KANK1: variants seen among roughly 807,000 people sequenced by gnomAD.
The protein encoded by KANK1 is KN motif and ankyrin repeat domains 1, also known as KN motif and ankyrin repeat domain-containing protein 1.
KANK1 carries 109 observed loss-of-function variants against 106.2 expected under a neutral mutation model. The observed-to-expected ratio is 1.03, with a 90% confidence interval of 0.88 to 1.20. The LOEUF (loss-of-function observed/expected upper bound fraction) is 1.20. KANK1 is among the 50% of genes most tolerant of loss of function. The probability of loss-of-function intolerance (pLI) is 0.00; values close to 1 mark genes in which losing one functional copy is unlikely to be tolerated. For synonymous variants in KANK1, 873 were observed against 652.2 expected (o/e 1.34, Z -5.16); for missense variants, 2,399 against 1,710.7 (o/e 1.40, Z -7.10).
intron 1 of KANK1, among the ~76,000 whole-genome samples, chr9:606,569 T>C (rs1314672559): frequency 8.3e-6 from 1 of 120,160 alleles, no homozygotes; most frequent in African/African-American, 3.6e-5. Flanking sequence ...AAAAAAAATA[T>C]ATGTGTGTGT....
intron 1 of KANK1, among the ~76,000 whole-genome samples, chr9:552,817 C>A (rs1245108940): frequency 6.6e-6 from 1 of 152,168 alleles, no homozygotes; most frequent in Non-Finnish European, 1.5e-5. Flanking sequence ...GCAGAATGAG[C>A]TATTTTTCTA....
At chr9:514,222 TCCTCCCTC>T (rs1289363705) in intron 1 of KANK1, among the ~76,000 whole-genome samples, 1 of 37,064 alleles carries the variant, frequency 2.7e-5, no homozygotes, top group Admixed American at 2.1e-4. Context: ...CTCCCTCCCT[TCCTCCCTC>T]CCTCCCTCCC....
chr9:586,667 T>C (rs903441679), intron 1 of KANK1, among the ~76,000 whole-genome samples: 2 of 152,160 alleles, frequency 1.3e-5, no homozygotes, highest in Non-Finnish European at 2.9e-5. Context: ...TAGAGTGGTA[T>C]GCATGTGCTG....
chr9:697,712 A>G lies in KANK1; in HGVS notation c.38-13092A>G, dbSNP rs565592424. Among the ~76,000 whole-genome samples the G allele has an allele frequency of 5.3e-5, 8 of 152,256 alleles. 1 individual carries two copies. The highest frequency in any genetic ancestry group is 2.0e-4 in the Admixed American group (3 of 15,286). ...ATGATGGACTCACAAGTAGATACCTATTCTCTGGATTGTAACTTGTTACTA... is the reference window on the plus strand; with the variant it reads ...ATGATGGACTCACAAGTAGATACCTGTTCTCTGGATTGTAACTTGTTACTA... On this transcript the variant is annotated intron_variant, in intron 2 of 11. Coordinates refer to ENST00000382297, the MANE Select transcript of KANK1 (RefSeq NM_015158.5).
rs200547991 is a variant in KANK1 at position 711,068 on chromosome 9, A to G, written c.302A>G (p.Lys101Arg). The part of the protein sequence containing the change: ...SLSSSNSDDN[K>R]QCPNFLIARS... Reference sequence around the variant, plus strand: ...TCATCCTCCAACAGTGATGACAACAAGCAGTGCCCCAACTTCCTCATAGCC... The same window carrying G: ...TCATCCTCCAACAGTGATGACAACAGGCAGTGCCCCAACTTCCTCATAGCC... The change falls in exon 3 of 12, where the codon AAG (lysine) becomes AGG (arginine). Residue 101 changes from lysine to arginine, a missense_variant. Lys to Arg is a conservative substitution (Grantham distance 26). Transcript: ENST00000382297. 11 of 1,614,208 alleles carry G rather than the reference A, an allele frequency of 6.8e-6. No individual in the cohort carries two copies. The African/African-American group carries it at 1.2e-4, about 18-fold the overall frequency.
intron 3 of KANK1, among the ~76,000 whole-genome samples, chr9:474,385 G>C (rs371292680): frequency 6.6e-6 from 1 of 152,146 alleles, no homozygotes; most frequent in South Asian, 2.1e-4. Flanking sequence ...AGTGATATTG[G>C]ACATATTGAT....
intron 2 of KANK1, among the ~76,000 whole-genome samples, chr9:705,642 G>T (rs1417028535): frequency 6.6e-6 from 1 of 151,794 alleles, no homozygotes; most frequent in Admixed American, 6.6e-5. Context: ...TTGTTGCCCA[G>T]GCTGGAGTGC....
At chr9:501,415 A>T (rs936579825), upstream of KANK1, among the ~76,000 whole-genome samples, 3 of 128,910 alleles carry the variant, frequency 2.3e-5, no homozygotes, top group African/African-American at 4.1e-5. Context: ...CAAACTTTAT[A>T]AAAAAAAAAT....
Position 732,368 on chromosome 9 carries a change from T to C in KANK1, c.3006-10T>C. The stretch of plus-strand genomic sequence containing the variant: ...ACCTTGCATCTCCTGAAATCCCAAT[T>C]GCCACCTAGGTATGAAACAACTTCA... On this transcript the variant is annotated splice_polypyrimidine_tract_variant and intron_variant, in intron 5 of 11. Coordinates refer to ENST00000382297, the MANE Select transcript of KANK1 (RefSeq NM_015158.5). 6.2e-7 allele frequency: 1 copy of C among 1,602,450 alleles called. No homozygotes were observed. Among genetic ancestry groups the C allele is most frequent in the Non-Finnish European group, 8.5e-7 (1 of 1,170,370 alleles).
intron 1 of KANK1, among the ~76,000 whole-genome samples, chr9:568,691 A>T (rs534416519): frequency 6.6e-6 from 1 of 152,052 alleles, no homozygotes; most frequent in Non-Finnish European, 1.5e-5. Context: ...CAAAATCTCA[A>T]TATGTTGCCC....
intron 3 of KANK1, among the ~76,000 whole-genome samples, chr9:493,116 CT>C (rs1421393828): frequency 1.3e-5 from 2 of 151,742 alleles, no homozygotes; most frequent in Non-Finnish European, 2.9e-5. Context: ...TGTACAGTCC[CT>C]TCCCATATTG....
chr9:688,869 G>C (rs887673346), intron 2 of KANK1, among the ~76,000 whole-genome samples: 1 of 152,158 alleles, frequency 6.6e-6, no homozygotes, highest in Admixed American at 6.5e-5. Context: ...GGTTGCAACC[G>C]TAGGTAAGAA....
intron 1 of KANK1, among the ~76,000 whole-genome samples, chr9:643,543 A>ATTTTTTTTTTTTTTT (rs774468238): frequency 9.8e-6 from 1 of 102,464 alleles, no homozygotes. Context: ...TTTCTTTTTG[A>ATTTTTTTTTTTTTTT]TTTTTTTTTT....
chr9:582,008 G>A (rs1822280675), intron 1 of KANK1, among the ~76,000 whole-genome samples: 1 of 152,164 alleles, frequency 6.6e-6, no homozygotes, highest in Non-Finnish European at 1.5e-5. Flanking sequence ...GTAAGCCAGA[G>A]CCCTCGACCC....
chr9:490,400 G>C (rs560507084), intron 3 of KANK1, among the ~76,000 whole-genome samples: 24 of 152,314 alleles, frequency 1.6e-4, no homozygotes, highest in African/African-American at 4.3e-4. Flanking sequence ...GTCCCAGCTA[G>C]CTGGGAGCTG....
At chr9:585,384 G>C (rs192069196) in intron 1 of KANK1, among the ~76,000 whole-genome samples, 4 of 152,296 alleles carry the variant, frequency 2.6e-5, no homozygotes, top group African/African-American at 7.2e-5. Flanking sequence ...CTGGCTTCCT[G>C]AGACAGCTGT....
intron 1 of KANK1, among the ~76,000 whole-genome samples, chr9:505,099 C>A (rs1359802559): frequency 6.6e-6 from 1 of 152,012 alleles, no homozygotes; most frequent in Non-Finnish European, 1.5e-5. Context: ...CCGGGCCGGC[C>A]GGCGGGAGGG....
At chr9:554,598 C>T (rs115719475) in intron 1 of KANK1, among the ~76,000 whole-genome samples, 25 of 152,316 alleles carry the variant, frequency 1.6e-4, no homozygotes, top group African/African-American at 6.0e-4. Flanking sequence ...ACTAACATCA[C>T]AACCATCTGA....
In KANK1 at chr9:731,213, CAA is replaced by C; in HGVS notation, c.2954_2955del (p.Lys985ArgfsTer15). On this transcript the variant is annotated frameshift_variant, in exon 5 of 12. Coordinates refer to ENST00000382297, the MANE Select transcript of KANK1 (RefSeq NM_015158.5). LOFTEE classifies it high-confidence loss of function. Reference protein sequence around the residue: ...KSIMKKKDGNKDSNGAKKNLQ... With the variant: ...KSIMKKKDGNXDSNGAKKNLQ... ...CCATCATGAAGAAGAAAGATGGTAA[CAA>C]AGATTCAAATGGCGCAAAAAAGAAT... 6.2e-7 allele frequency: 1 copy of C among 1,611,920 alleles called. No individual in the cohort carries two copies. Among genetic ancestry groups the C allele is most frequent in the South Asian group, 1.1e-5 (1 of 90,950 alleles).
Sources: allele counts gnomAD v4.1 joint callset (sites outside exome capture counted in the v4.1 genomes callset), GRCh38; gene constraint gnomAD v4.1.1; transcripts MANE v1.5; gene names NCBI Gene and HGNC (gene_info 2026-07-23, HGNC 2026-07-21).